The following CDC14B variants were observed in gnomAD, a reference collection of about 807,000 sequenced individuals.
The protein encoded by CDC14B is dual specificity protein phosphatase CDC14B.
CDC14B carries 22 observed loss-of-function variants against 64.2 expected under a neutral mutation model. The observed-to-expected ratio is 0.34, with a 90% CI of 0.24 to 0.49. The LOEUF is 0.49. CDC14B is among the 20% of genes least tolerant of loss of function. The pLI is 0.99. For synonymous variants in CDC14B, 191 were observed against 215.8 expected (o/e 0.89, Z 1.01); for missense variants, 498 against 629.9 (o/e 0.79, Z 2.24).
At chr9:96,498,137 C>T (rs965055662), downstream of CDC14B, among the ~76,000 whole-genome samples, 1 of 152,158 alleles carries the variant, frequency 6.6e-6, no homozygotes, top group African/African-American at 2.4e-5. Flanking sequence ...AGCTAAAGCT[C>T]GTGTTCTTGG....
chr9:96,573,033 G>T (rs1390029862), intron 1 of CDC14B, among the ~76,000 whole-genome samples: 1 of 152,246 alleles, frequency 6.6e-6, no homozygotes, highest in Non-Finnish European at 1.5e-5. Flanking sequence ...ACGAAGCCAG[G>T]CGTGGTGGCT....
intron 1 of CDC14B, among the ~76,000 whole-genome samples, chr9:96,591,997 G>A (rs1289581036): frequency 1.3e-5 from 2 of 152,138 alleles, no homozygotes; most frequent in East Asian, 1.9e-4. Flanking sequence ...TGCCCGCCTC[G>A]GCCTCCCAAA....
At position 96,517,374 on chromosome 9, in the gene CDC14B, C is replaced by T. The variant is rs547141718; in HGVS notation, c.1343+5132G>A. Reference sequence around the variant, plus strand: ...AAAAAAAATAAAAAAAAATAAAGGCCGGGCGTGGTGGCTCACACCTGTAAT... The same window carrying T: ...AAAAAAAATAAAAAAAAATAAAGGCTGGGCGTGGTGGCTCACACCTGTAAT... On this transcript the variant is annotated intron_variant, in intron 12 of 13. Transcript: ENST00000375241. Among the ~76,000 whole-genome samples the T allele has an allele frequency of 1.1e-3, 157 of 146,554 alleles. 1 individual carries two copies. Among genetic ancestry groups the T allele is most frequent in the Admixed American group, 3.9e-3 (57 of 14,658 alleles).
intron 13 of CDC14B, among the ~76,000 whole-genome samples, chr9:96,495,085 C>T (rs1587696824): frequency 6.6e-6 from 1 of 152,102 alleles, no homozygotes; most frequent in African/African-American, 2.4e-5. Context: ...CCACCTGCCT[C>T]AGCCTCCCAA....
intron 1 of CDC14B, among the ~76,000 whole-genome samples, chr9:96,608,649 G>T (rs1251882419): frequency 6.6e-6 from 1 of 151,910 alleles, no homozygotes; most frequent in East Asian, 1.9e-4. Context: ...GCAATACTCA[G>T]CTTAAAGGTG....
intron 5 of CDC14B, among the ~76,000 whole-genome samples, chr9:96,544,431 T>C (rs1487321466): frequency 6.6e-6 from 1 of 152,202 alleles, no homozygotes; most frequent in Non-Finnish European, 1.5e-5. Context: ...TCGTCTTCAA[T>C]GTTACTGACT....
chr9:96,507,718 T>A (rs1262852697), intron 13 of CDC14B, among the ~76,000 whole-genome samples: 1 of 151,980 alleles, frequency 6.6e-6, no homozygotes, highest in Non-Finnish European at 1.5e-5. Context: ...CCAGCCTGAA[T>A]TTTTAATAGC....
intron 1 of CDC14B, among the ~76,000 whole-genome samples, chr9:96,597,453 C>T (rs1330867168): frequency 6.7e-6 from 1 of 149,034 alleles, no homozygotes; most frequent in Non-Finnish European, 1.5e-5. Flanking sequence ...GAGATTGTGT[C>T]ATTGCGCTCC....
chr9:96,566,878 C>G, intron 1 of CDC14B: 1 of 1,567,530 alleles, frequency 6.4e-7, no homozygotes, highest in Non-Finnish European at 8.6e-7. Context: ...AGAGGGGAGG[C>G]GCCGCGACCA....
chr9:96,538,983 T>A, intron 7 of CDC14B, 95 bp downstream of exon 7: 1 of 791,386 alleles, frequency 1.3e-6, no homozygotes, highest in Non-Finnish European at 2.2e-6. Flanking sequence ...ACTTTGTACA[T>A]CTTAAGTATA....
At position 96,619,783 on chromosome 9, in the gene CDC14B, G is replaced by A. The variant is rs1341522780; in HGVS notation, c.-405C>T. 1.3e-5 allele frequency: 2 copies of A among 151,884 alleles called. No homozygotes were observed. The highest frequency in any genetic ancestry group is 2.9e-5 in the Non-Finnish European group (2 of 67,944). The allele number at this position is 151,884 out of a possible 1,614,324, so 9.4% of individuals were successfully genotyped here. A position where few individuals can be genotyped will look rare whatever the true frequency, so the allele number is the denominator to read the frequency against. The stretch of plus-strand genomic sequence containing the variant: ...GCGGCCGCTGCTGCGTAGGCGCCGG[G>A]GCACAGCAGGACGCGGCTCGTGGGG... On this transcript the variant is annotated 5_prime_UTR_variant, in exon 1 of 14. Coordinates refer to ENST00000375241, the MANE Select transcript of CDC14B (RefSeq NM_033331.4).
downstream of CDC14B, among the ~76,000 whole-genome samples, chr9:96,497,255 G>A (rs1460978799): frequency 6.6e-6 from 1 of 152,242 alleles, no homozygotes; most frequent in Non-Finnish European, 1.5e-5. Context: ...AAGCCATGCA[G>A]ACTTGCTGCC....
At chr9:96,565,749 C>G (rs1228581553) in intron 1 of CDC14B, among the ~76,000 whole-genome samples, 2 of 152,130 alleles carry the variant, frequency 1.3e-5, no homozygotes, top group African/African-American at 4.8e-5. Context: ...CTAAACAAAC[C>G]TATTTTTGTA....
At chr9:96,618,393 T>C (rs1488731305) in intron 1 of CDC14B, 2 of 475,716 alleles carry the variant, frequency 4.2e-6, no homozygotes, top group African/African-American at 3.9e-5. Context: ...CGCGTCACTG[T>C]CAATCCCAGC....
intron 1 of CDC14B, among the ~76,000 whole-genome samples, chr9:96,609,891 A>G (rs1488226626): frequency 2.0e-5 from 3 of 152,220 alleles, no homozygotes; most frequent in Non-Finnish European, 4.4e-5. Context: ...ATCTTATGCA[A>G]CTAGAATTAA....
intron 9 of CDC14B, among the ~76,000 whole-genome samples, chr9:96,531,084 C>T (rs1417422961): frequency 6.6e-6 from 1 of 152,098 alleles, no homozygotes. Flanking sequence ...CATCGATGTT[C>T]GTAAGGGATA....
chr9:96,496,318 A>T, downstream of CDC14B: 1 of 516,704 alleles, frequency 1.9e-6, no homozygotes, highest in South Asian at 1.4e-5. Flanking sequence ...CCAGATCAGA[A>T]GCCGGTCTAG....
chr9:96,576,105 G>C (rs180868123), intron 1 of CDC14B, among the ~76,000 whole-genome samples: 5 of 148,168 alleles, frequency 3.4e-5, no homozygotes, highest in Admixed American at 2.7e-4. Flanking sequence ...GTGAAACCTC[G>C]TCTAAATACT....
chr9:96,569,292 G>A (rs941650538), intron 1 of CDC14B, among the ~76,000 whole-genome samples: 2 of 152,128 alleles, frequency 1.3e-5, no homozygotes, highest in African/African-American at 4.8e-5. Flanking sequence ...AATATCCTTC[G>A]TATGCATTTA....
Sources: gnomAD v4.1 joint callset for allele counts (sites outside exome capture counted in the v4.1 genomes callset) on GRCh38, gnomAD v4.1.1 for gene constraint, MANE v1.5 for transcripts, NCBI Gene and HGNC (gene_info 2026-07-23, HGNC 2026-07-21) for gene names.